Variants in DNAH9 observed in about 807,000 individuals in gnomAD.
DNAH9 encodes the protein dynein axonemal heavy chain 9, also known as DNAH9 variant protein.
Under a neutral mutation model 471.6 loss-of-function variants are expected in DNAH9, and 345 were observed. That is an observed-to-expected ratio of 0.73 (90% confidence interval 0.67 to 0.80). The LOEUF (loss-of-function observed/expected upper bound fraction) is 0.80. Ranked by LOEUF, DNAH9 falls within the 30% of genes least tolerant of loss-of-function variation. DNAH9 has a pLI of 0.00. For missense variants in DNAH9, 5,407 were observed against 5,609.2 expected, an observed-to-expected ratio of 0.96 and a Z score of 1.15; for synonymous variants, 2,093 against 2,123.6, an observed-to-expected ratio of 0.99 and a Z score of 0.40.
In DNAH9 at chr17:11,948,477, G is replaced by A. The variant is rs142919986; in HGVS notation, c.12843+5992G>A. ...ACCCCTGACCTCAAGTGATCCACCC[G>A]CCTCGGCCTCCCAACGTGCTGGGAT... is the stretch of plus-strand genomic sequence containing the variant. On this transcript the variant is annotated intron_variant, in intron 67 of 68. Coordinates refer to ENST00000262442, the MANE Select transcript of DNAH9 (RefSeq NM_001372.4). Among the ~76,000 whole-genome samples the A allele has an allele frequency of 5.6e-3, 844 of 151,560 alleles. 6 individuals carry two copies. The highest frequency in any genetic ancestry group is 9.5e-3 in the Non-Finnish European group (643 of 67,804).
intron 57 of DNAH9, among the ~76,000 whole-genome samples, chr17:11,891,457 C>G (rs1018827244): frequency 6.6e-6 from 1 of 152,120 alleles, no homozygotes; most frequent in African/African-American, 2.4e-5. Context: ...ACTCTGCCTC[C>G]CAGGTTCAAA....
In DNAH9 at chr17:11,969,553, A is replaced by G. The variant is rs537206268; in HGVS notation, c.*26A>G. The G allele has an allele frequency of 1.9e-6, 3 of 1,573,038 alleles. No individual in the cohort carries two copies. In the East Asian group the frequency reaches 6.8e-5, roughly 36 times the overall value. On this transcript the variant is annotated 3_prime_UTR_variant, in exon 69 of 69. Coordinates refer to ENST00000262442, the MANE Select transcript of DNAH9 (RefSeq NM_001372.4). ...CATCCTGCAGAGCCACCGAGAAAAT[A>G]AAAAAGCTGGGCTTGGAGGCTGCCT...
At chr17:11,860,906 G>A (rs938649845) in intron 50 of DNAH9, among the ~76,000 whole-genome samples, 1 of 152,112 alleles carries the variant, frequency 6.6e-6, no homozygotes, top group Non-Finnish European at 1.5e-5. Context: ...AAGTCTCGTG[G>A]ACAGTCAATG....
Position 11,794,036 on chromosome 17 carries a change from A to ATTT in DNAH9, c.8223+396_8223+398dup, listed in dbSNP as rs35741238. Among the ~76,000 whole-genome samples the ATTT allele has an allele frequency of 8.9e-3, 717 of 80,890 alleles. 69 individuals carry two copies. Among genetic ancestry groups the ATTT allele is most frequent in the African/African-American group, 0.035 (682 of 19,634 alleles). The allele number at this position is 80,890 out of a possible 152,430, so 53.1% of individuals were successfully genotyped here. On this transcript the variant is annotated intron_variant, in intron 42 of 68. Coordinates refer to ENST00000262442, the MANE Select transcript of DNAH9 (RefSeq NM_001372.4). ...TGCTAATAACTGGAAATTTTGAGCA[A>ATTT]TTTTTTTTTTTTTTTTTTTTTTTTT...
intron 14 of DNAH9, 127 bp from the exon 15 acceptor site, chr17:11,664,706 T>C (rs2150720913): frequency 2.7e-6 from 2 of 750,198 alleles, no homozygotes; most frequent in Non-Finnish European, 2.2e-6. Context: ...ATTCGATACA[T>C]GTGTAATAGC....
intron 62 of DNAH9, among the ~76,000 whole-genome samples, chr17:11,927,811 C>T (rs975959968): frequency 3.9e-5 from 6 of 152,140 alleles, no homozygotes; most frequent in Admixed American, 3.3e-4. Context: ...GGGGCAGCCT[C>T]GAGGATCTCT....
At chr17:11,939,193 A>G (rs572879419) in intron 66 of DNAH9, among the ~76,000 whole-genome samples, 2 of 152,332 alleles carry the variant, frequency 1.3e-5, no homozygotes, top group Admixed American at 1.3e-4. Flanking sequence ...AAGCTGCTCC[A>G]TATCACTCTA....
Position 11,742,173 on chromosome 17 carries a change from A to G in DNAH9, c.5973-2A>G. 1 of 1,613,928 alleles carries G rather than the reference A, an allele frequency of 6.2e-7. No homozygotes were observed. The highest frequency in any genetic ancestry group is 1.3e-5 in the African/African-American group (1 of 74,992). ...CTGGGCCTTCTGTCTTTCTATACTC[A>G]GGCCTTGTGCAATGGTGGTTCCAGA... On this transcript the variant is annotated splice_acceptor_variant, in intron 29 of 68. Transcript: ENST00000262442. LOFTEE classifies it high-confidence loss of function.
chr17:11,861,557 G>A (rs1971849925), intron 50 of DNAH9, among the ~76,000 whole-genome samples: 1 of 151,454 alleles, frequency 6.6e-6, no homozygotes, highest in East Asian at 1.9e-4. Flanking sequence ...GGATGGCTGG[G>A]TCAAATGGTA....
chr17:11,843,329 AT>A (rs1891420424), intron 49 of DNAH9, among the ~76,000 whole-genome samples: 1 of 152,202 alleles, frequency 6.6e-6, no homozygotes, highest in Admixed American at 6.6e-5. Context: ...ACCTTTCCTA[AT>A]ATCCACAATA....
intron 56 of DNAH9, among the ~76,000 whole-genome samples, chr17:11,884,940 T>C (rs1367929953): frequency 6.6e-6 from 1 of 152,158 alleles, no homozygotes; most frequent in Non-Finnish European, 1.5e-5. Context: ...TTTATCTTTT[T>C]CTTTAAAATC....
chr17:11,887,263 A>C (rs1463818242), intron 57 of DNAH9, among the ~76,000 whole-genome samples: 1 of 152,238 alleles, frequency 6.6e-6, no homozygotes, highest in Non-Finnish European at 1.5e-5. Context: ...GAATGTGTGG[A>C]AGGTGATACC....
In DNAH9 at chr17:11,880,238, C is replaced by T. The variant is rs141999194; in HGVS notation, c.10601+38C>T. ...TGTGTTGCTGACCCTTCGGGGGGAGCTGGTTCATGGCCCTGGTTAGAATCA... is the reference window on the plus strand; with the variant it reads ...TGTGTTGCTGACCCTTCGGGGGGAGTTGGTTCATGGCCCTGGTTAGAATCA... On this transcript the variant is annotated intron_variant, in intron 54 of 68. Coordinates refer to ENST00000262442, the MANE Select transcript of DNAH9 (RefSeq NM_001372.4). 449 of 1,606,948 alleles carry T rather than the reference C, an allele frequency of 2.8e-4. 1 individual carries two copies. The African/African-American group carries it at 4.4e-3, about 16-fold the overall frequency.
intron 19 of DNAH9, among the ~76,000 whole-genome samples, chr17:11,684,968 C>T (rs2074212978): frequency 2.6e-5 from 4 of 152,218 alleles, no homozygotes; most frequent in Admixed American, 2.6e-4. Context: ...TTCCAGTTAA[C>T]CTGACTCATT....
At chr17:11,926,943 C>T (rs1037435139) in intron 62 of DNAH9, among the ~76,000 whole-genome samples, 11 of 152,260 alleles carry the variant, frequency 7.2e-5, no homozygotes, top group Non-Finnish European at 1.5e-4. Flanking sequence ...TTTTAATAAT[C>T]GGCATTCTGA....
intron 32 of DNAH9, among the ~76,000 whole-genome samples, chr17:11,751,713 G>T (rs1567774299): frequency 6.6e-6 from 1 of 151,982 alleles, no homozygotes; most frequent in African/African-American, 2.4e-5. Context: ...ATTGCTTACT[G>T]GGGTTCTAGA....
chr17:11,813,924 T>C (rs1970006111), intron 45 of DNAH9, among the ~76,000 whole-genome samples: 3 of 152,188 alleles, frequency 2.0e-5, no homozygotes, highest in Admixed American at 2.0e-4. Context: ...GATACATAAC[T>C]GTATAAGAAC....
intron 32 of DNAH9, among the ~76,000 whole-genome samples, chr17:11,750,560 A>G (rs1967104781): frequency 1.3e-5 from 2 of 152,174 alleles, no homozygotes; most frequent in African/African-American, 2.4e-5. Flanking sequence ...GAATTCAACA[A>G]TATCAATTTA....
chr17:11,659,096 A>G (rs2073706582), intron 14 of DNAH9, among the ~76,000 whole-genome samples: 1 of 151,556 alleles, frequency 6.6e-6, no homozygotes, highest in African/African-American at 2.4e-5. Flanking sequence ...AGAATTCACC[A>G]GGGAATACTT....
Sources: allele counts gnomAD v4.1 joint callset (sites outside exome capture counted in the v4.1 genomes callset), GRCh38; gene constraint gnomAD v4.1.1; transcripts MANE v1.5; gene names NCBI Gene and HGNC (gene_info 2026-07-23, HGNC 2026-07-21).